NCKAP1: variants seen among roughly 807,000 people sequenced by gnomAD.
NCKAP1 encodes the protein NCK associated protein 1.
NCKAP1 carries 21 observed loss-of-function variants against 151.2 expected under a neutral mutation model. The observed-to-expected ratio is 0.14, with a 90% CI of 0.10 to 0.20. NCKAP1 has a LOEUF of 0.20. NCKAP1 is among the 10% of genes least tolerant of loss of function. The pLI is 1.00. For missense variants in NCKAP1, 933 were observed against 1,352.1 expected (o/e 0.69, Z 4.86); for synonymous variants, 484 against 451.8 (o/e 1.07, Z -0.90).
At chr2:183,026,336 T>C (rs1698896680) in intron 1 of NCKAP1, among the ~76,000 whole-genome samples, 1 of 151,798 alleles carries the variant, frequency 6.6e-6, no homozygotes, top group Admixed American at 6.6e-5. Flanking sequence ...ATTATAAGGG[T>C]GTGGTGGTGC....
chr2:182,998,382 G>GA (rs1698311866), intron 6 of NCKAP1, among the ~76,000 whole-genome samples: 1 of 151,578 alleles, frequency 6.6e-6, no homozygotes, highest in African/African-American at 2.4e-5. Flanking sequence ...CATCCAAATT[G>GA]AAAAAAAGGA....
chr2:182,976,197 A>G (rs145003611), intron 15 of NCKAP1, among the ~76,000 whole-genome samples: 1 of 152,220 alleles, frequency 6.6e-6, no homozygotes, highest in Non-Finnish European at 1.5e-5. Context: ...TTACAGGGCA[A>G]CTAATTTTTA....
intron 15 of NCKAP1, among the ~76,000 whole-genome samples, chr2:182,975,349 A>T (rs1458054043): frequency 1.3e-5 from 2 of 152,140 alleles, no homozygotes; most frequent in Non-Finnish European, 2.9e-5. Context: ...GCTTTTATTT[A>T]TAAAAGTCTT....
At chr2:182,996,093 A>G (rs1698262697) in intron 6 of NCKAP1, among the ~76,000 whole-genome samples, 1 of 152,212 alleles carries the variant, frequency 6.6e-6, no homozygotes. Context: ...TATTTTCTTA[A>G]AGGTTAAAAT....
chr2:182,957,502 T>G lies in NCKAP1; in HGVS notation c.1976A>C (p.Lys659Thr). 6.2e-7 allele frequency: 1 copy of G among 1,614,116 alleles called. No homozygotes were observed. Among genetic ancestry groups the G allele is most frequent in the Non-Finnish European group, 8.5e-7 (1 of 1,179,980 alleles). The change falls in exon 19 of 31, where the codon AAA becomes ACA. Residue 659 changes from lysine to threonine, a missense_variant. Coordinates refer to ENST00000361354, the MANE Select transcript of NCKAP1 (RefSeq NM_013436.5). The part of the protein sequence containing the change: ...TGKKGEPERE[K>T]PGVESMRKNR... ...TTTCCTCATGCTCTCAACACCTGGT[T>G]TCTCCCTTTCAGGTTCCCCTTTCTT... is the stretch of plus-strand genomic sequence containing the variant.
intron 15 of NCKAP1, among the ~76,000 whole-genome samples, chr2:182,971,392 T>TTA (rs1559087515): frequency 9.4e-5 from 6 of 63,540 alleles, no homozygotes; most frequent in African/African-American, 1.8e-4. Flanking sequence ...AGACTCCGTC[T>TTA]CAAAAAAAAA....
At chr2:182,954,231 C>CT (rs1559080314) in intron 20 of NCKAP1, among the ~76,000 whole-genome samples, 1 of 141,966 alleles carries the variant, frequency 7.0e-6, no homozygotes, top group East Asian at 2.1e-4. Flanking sequence ...CAACAAACAA[C>CT]TTTATTTTCT....
intron 1 of NCKAP1, among the ~76,000 whole-genome samples, chr2:183,032,288 A>G (rs924901010): frequency 2.0e-5 from 3 of 152,240 alleles, no homozygotes; most frequent in African/African-American, 7.2e-5. Context: ...GCAAGTACGG[A>G]AAATGTTTAG....
chr2:182,982,881 A>G lies in NCKAP1; in HGVS notation c.1148T>C (p.Ile383Thr), dbSNP rs1307900724. 6.2e-7 allele frequency: 1 copy of G among 1,612,340 alleles called. No homozygotes were observed. The highest frequency in any genetic ancestry group is 8.5e-7 in the Non-Finnish European group (1 of 1,179,124). The change falls in exon 12 of 31, where the codon ATC (isoleucine) becomes ACC (threonine). Residue 383 changes from isoleucine (I) to threonine (T), a missense_variant. Coordinates refer to ENST00000361354, the MANE Select transcript of NCKAP1 (RefSeq NM_013436.5). ...MALSFARDEI[I>T]WLLRHADNMP... ...GTTATCTGCATGACGAAGTAGCCAG[A>G]TGATTTCATCACGGGCAAAGGATAA...
chr2:182,954,211 C>CA (rs1437983618), intron 20 of NCKAP1, among the ~76,000 whole-genome samples: 2 of 152,088 alleles, frequency 1.3e-5, no homozygotes, highest in African/African-American at 4.8e-5. Context: ...GACAGTCAAA[C>CA]AAAATAAGGC....
At chr2:182,931,652 C>T (rs1385826059) in intron 26 of NCKAP1, among the ~76,000 whole-genome samples, 1 of 151,980 alleles carries the variant, frequency 6.6e-6, no homozygotes, top group African/African-American at 2.4e-5. Flanking sequence ...CACAAACAAA[C>T]CCCCAAAAAC....
At chr2:182,930,956 T>C (rs1248951016) in intron 26 of NCKAP1, among the ~76,000 whole-genome samples, 168 bp from the exon 27 acceptor site, 1 of 152,082 alleles carries the variant, frequency 6.6e-6, no homozygotes, top group African/African-American at 2.4e-5. Context: ...TCAATGTAGG[T>C]TGAATACTGT....
At position 182,935,254 on chromosome 2, in the gene NCKAP1, T is replaced by A. The variant is rs1020868212; in HGVS notation, c.2778+39A>T. 3 of 1,296,674 alleles carry A rather than the reference T, an allele frequency of 2.3e-6. No homozygotes were observed. In the African/African-American group the frequency reaches 4.6e-5, roughly 20 times the overall value. The allele number at this position is 1,296,674 out of a possible 1,614,324, so 80.3% of individuals were successfully genotyped here. A position where few individuals can be genotyped will look rare whatever the true frequency, so the allele number is the denominator to read the frequency against. On this transcript the variant is annotated intron_variant, in intron 25 of 30. Transcript: ENST00000361354. ...AAATTTCTGAGAAATTAAAAGGGAT[T>A]GTTTGGATACCGAGTATATACTTGT...
chr2:182,910,079 T>C lies in NCKAP1; in HGVS notation c.*15623A>G, dbSNP rs1043276893. 2 of 152,166 alleles carry C rather than the reference T, an allele frequency of 1.3e-5. No homozygotes were observed. Among genetic ancestry groups the C allele is most frequent in the African/African-American group, 4.8e-5 (2 of 41,420 alleles). The allele number at this position is 152,166 out of a possible 1,614,324, so 9.4% of individuals were successfully genotyped here. On this transcript the variant is annotated 3_prime_UTR_variant, in exon 31 of 31. Coordinates refer to ENST00000361354, the MANE Select transcript of NCKAP1 (RefSeq NM_013436.5). ...GAGCCCTAGAGTTAAGGAGAAACAG[T>C]GGTTTCTGCAAAGCTGTGGTAGCTG...
chr2:183,022,593 C>T (rs2105893493), intron 2 of NCKAP1, among the ~76,000 whole-genome samples: 1 of 152,210 alleles, frequency 6.6e-6, no homozygotes, highest in East Asian at 1.9e-4. Context: ...TCAAGACCAG[C>T]CTGGACAACA....
chr2:182,990,869 C>G (rs1478769152), intron 8 of NCKAP1, among the ~76,000 whole-genome samples: 2 of 152,174 alleles, frequency 1.3e-5, no homozygotes, highest in African/African-American at 4.8e-5. Context: ...TAGAATCATA[C>G]ACACATATTT....
intron 1 of NCKAP1, among the ~76,000 whole-genome samples, chr2:183,027,301 G>C (rs1314689732): frequency 6.6e-6 from 1 of 152,118 alleles, no homozygotes; most frequent in African/African-American, 2.4e-5. Flanking sequence ...TAGACTTTAC[G>C]AGAGTATTTG....
chr2:182,914,748 G>A lies in NCKAP1; in HGVS notation c.*10954C>T, dbSNP rs1696441436. 1 of 152,200 alleles carries A rather than the reference G, an allele frequency of 6.6e-6. No homozygotes were observed. Among genetic ancestry groups the A allele is most frequent in the Non-Finnish European group, 1.5e-5 (1 of 68,038 alleles). 9.4% of individuals were successfully genotyped at this position (152,200 alleles called of 1,614,324 possible). On this transcript the variant is annotated 3_prime_UTR_variant, in exon 31 of 31. Transcript: ENST00000361354. The stretch of plus-strand genomic sequence containing the variant: ...AAATTACCCCCACAGAAAATATGCT[G>A]TGAGGTGGGAAAGGCTGATGGCTAG...
intron 6 of NCKAP1, among the ~76,000 whole-genome samples, chr2:182,998,883 A>C (rs1474306742): frequency 6.7e-6 from 1 of 149,682 alleles, no homozygotes; most frequent in East Asian, 1.9e-4. Flanking sequence ...AGGGCAAGCA[A>C]TCCCACTTAC....
Sources: allele counts gnomAD v4.1 joint callset (sites outside exome capture counted in the v4.1 genomes callset), GRCh38; gene constraint gnomAD v4.1.1; transcripts MANE v1.5; gene names NCBI Gene and HGNC (gene_info 2026-07-23, HGNC 2026-07-21).